Variants in STAG2 observed in about 807,000 individuals in gnomAD.
The protein encoded by STAG2 is STAG2 cohesin complex component.
Under a neutral mutation model 108.1 loss-of-function variants are expected in STAG2, and 14 were observed. The observed-to-expected ratio is 0.13, with a 90% confidence interval of 0.09 to 0.20. The LOEUF is 0.20. Among genes scored for constraint, STAG2 ranks in the 10% least tolerant of loss-of-function variants. The pLI, the probability that STAG2 is intolerant of heterozygous loss-of-function variation, is 1.00. For synonymous variants in STAG2, 307 were observed against 302.7 expected, an observed-to-expected ratio of 1.01 and a Z score of -0.15; for missense variants, 440 against 940.9, an observed-to-expected ratio of 0.47 and a Z score of 6.96.
chrX:124,090,651 A>G lies in STAG2; in HGVS notation c.3354A>G (p.Thr1118=), dbSNP rs747968327. Residue 1118 remains threonine (T), a synonymous_variant, in exon 31 of 35, where the codon ACA becomes ACG. Coordinates refer to ENST00000371145, the MANE Select transcript of STAG2 (RefSeq NM_001042750.2). ...QTLHTPVMMQ[T]PQLTSTIMRE... is the part of the protein sequence containing the mutation. Reference sequence around the variant, plus strand: ...TGCACACCCCTGTTATGATGCAGACACCACAACTCACCTCCACTATTATGA... The same window carrying G: ...TGCACACCCCTGTTATGATGCAGACGCCACAACTCACCTCCACTATTATGA... 5 of 1,211,139 alleles carry G rather than the reference A, an allele frequency of 4.1e-6. No homozygotes were observed. In the Admixed American group the frequency reaches 1.1e-4, roughly 26 times the overall value.
At chrX:124,053,089 T>TAC (rs2058090991) in intron 13 of STAG2, among the ~76,000 whole-genome samples, 2 of 111,909 alleles carry the variant, frequency 1.8e-5, no homozygotes, top group Non-Finnish European at 3.8e-5. Flanking sequence ...AGTGCTGGGA[T>TAC]TACAGGCATG....
intron 1 of STAG2, among the ~76,000 whole-genome samples, chrX:123,979,451 T>C (rs889184375): frequency 1.8e-5 from 2 of 111,700 alleles, no homozygotes; most frequent in Non-Finnish European, 1.9e-5. Flanking sequence ...AGCTAATGTT[T>C]ATGTGGCATC....
intron 4 of STAG2, among the ~76,000 whole-genome samples, chrX:124,029,242 C>G (rs1356390556): frequency 9.2e-6 from 1 of 108,450 alleles, no homozygotes; most frequent in Non-Finnish European, 1.9e-5. Context: ...TGGTCTCGAT[C>G]TCCTGACCTC....
At position 124,002,325 on chromosome X, in the gene STAG2, T is replaced by A. The variant is rs185472339; in HGVS notation, c.-162-19042T>A. Among the ~76,000 whole-genome samples, 5 of 112,231 alleles carry A rather than the reference T, an allele frequency of 4.5e-5. No individual in the cohort carries two copies. In the Admixed American group the frequency reaches 4.7e-4, roughly 11 times the overall value. On this transcript the variant is annotated intron_variant, in intron 1 of 34. Transcript: ENST00000371145. ...ATTTTTTGTAATTTAGAATTTCATATAAGTAAAATCTTACAATAGTAGATA... is the reference window on the plus strand; with the variant it reads ...ATTTTTTGTAATTTAGAATTTCATAAAAGTAAAATCTTACAATAGTAGATA...
At chrX:123,974,980 G>T (rs959592693) in intron 1 of STAG2, among the ~76,000 whole-genome samples, 3 of 111,712 alleles carry the variant, frequency 2.7e-5, no homozygotes, top group Non-Finnish European at 5.6e-5. Context: ...TGGGATATAT[G>T]ATAACCTCTT....
At chrX:124,033,500 T>A (rs1349663218) in intron 5 of STAG2, among the ~76,000 whole-genome samples, 1 of 112,117 alleles carries the variant, frequency 8.9e-6, no homozygotes, top group African/African-American at 3.2e-5. Flanking sequence ...GTGTAGCAGC[T>A]CACATAATCC....
rs1435652986 is a variant in STAG2, at chrX:124,100,746, G to A, written c.*149G>A. The A allele has an allele frequency of 5.3e-6, 2 of 374,988 alleles. No individual in the cohort carries two copies. Among genetic ancestry groups the A allele is most frequent in the African/African-American group, 5.3e-5 (2 of 37,912 alleles). The allele number at this position is 374,988 out of a possible 1,213,427, so 30.9% of individuals were successfully genotyped here. A position where few individuals can be genotyped will look rare whatever the true frequency, so the allele number is the denominator to read the frequency against. ...GCTTACCAAGATCAAGTGCATTGAG[G>A]GGCAGTTTTGTTTGCCTGAATAAAC... is the stretch of plus-strand genomic sequence containing the variant. On this transcript the variant is annotated 3_prime_UTR_variant, in exon 35 of 35. Coordinates refer to ENST00000371145, the MANE Select transcript of STAG2 (RefSeq NM_001042750.2).
At chrX:124,064,407 AAGTGTTTTGGC>A (rs1261113748) in intron 20 of STAG2, among the ~76,000 whole-genome samples, 1 of 110,563 alleles carries the variant, frequency 9.0e-6, no homozygotes, top group Non-Finnish European at 1.9e-5. Context: ...GAGTATTTCT[AAGTGTTTTGGC>A]AGTGTAGGTT....
chrX:124,083,595 C>T (rs750927529), intron 29 of STAG2, 46 bp downstream of exon 29: 1 of 1,040,592 alleles, frequency 9.6e-7, no homozygotes, highest in Non-Finnish European at 1.3e-6. Context: ...TTTTGGGATT[C>T]TTAAGGGCAA....
Position 124,051,407 on chromosome X carries a change from T to G in STAG2, c.1196+13T>G. ...CTCTTGTTTTACAGTAAGTATGTAT[T>G]TGTTGCATATTTGCACTAATGTTCA... On this transcript the variant is annotated intron_variant, in intron 13 of 34. Coordinates refer to ENST00000371145, the MANE Select transcript of STAG2 (RefSeq NM_001042750.2). 1.8e-6 allele frequency: 2 copies of G among 1,126,527 alleles called. No individual in the cohort carries two copies. The highest frequency in any genetic ancestry group is 2.4e-6 in the Non-Finnish European group (2 of 827,773). The allele number at this position is 1,126,527 out of a possible 1,213,427, so 92.8% of individuals were successfully genotyped here. A position where few individuals can be genotyped will look rare whatever the true frequency, so the allele number is the denominator to read the frequency against.
At chrX:124,032,639 A>C (rs2057383238) in intron 5 of STAG2, among the ~76,000 whole-genome samples, 1 of 111,044 alleles carries the variant, frequency 9.0e-6, no homozygotes, top group Non-Finnish European at 1.9e-5. Flanking sequence ...ATTTGTGTCC[A>C]CATGTGCTCA....
chrX:124,090,715 A>G lies in STAG2; in HGVS notation c.3418A>G (p.Ser1140Gly), dbSNP rs2059236693. Residue 1140 changes from serine to glycine, a missense_variant, in exon 31 of 35, where the codon AGT becomes GGT. Physicochemically the swap from Ser to Gly is moderately conservative, Grantham distance 56. Transcript: ENST00000371145. Reference sequence around the variant, plus strand: ...ATTACGGCCTGAGGATAGCTTCATGAGTGTTTATCCAATGCAGACTGAACA... The same window carrying G: ...ATTACGGCCTGAGGATAGCTTCATGGGTGTTTATCCAATGCAGACTGAACA... ...KRLRPEDSFM[S>G]VYPMQTEHHQ... 8.3e-7 allele frequency: 1 copy of G among 1,209,933 alleles called. No homozygotes were observed. Among genetic ancestry groups the G allele is most frequent in the African/African-American group, 1.7e-5 (1 of 57,162 alleles).
At chrX:124,001,489 CCACT>C (rs1190044983) in intron 1 of STAG2, among the ~76,000 whole-genome samples, 1 of 111,895 alleles carries the variant, frequency 8.9e-6, no homozygotes, top group Admixed American at 9.5e-5. Context: ...CGTTCACTCA[CCACT>C]CACTCACTGA....
In STAG2 at chrX:124,071,301, G is replaced by A; in HGVS notation, c.2511G>A (p.Gln837=). ...SFILDHVFIE[Q]DDDNNSADGQ... is the part of the protein sequence containing the mutation. ...TTTTGGATCATGTCTTCATTGAACA[G>A]GATGATGATAATAATAGTGCAGGTA... The change falls in exon 25 of 35, where the codon CAG becomes CAA. Residue 837 remains glutamine (Q), a synonymous_variant. Coordinates refer to ENST00000371145, the MANE Select transcript of STAG2 (RefSeq NM_001042750.2). 1 of 1,187,525 alleles carries A rather than the reference G, an allele frequency of 8.4e-7. No homozygotes were observed. Among genetic ancestry groups the A allele is most frequent in the East Asian group, 3.0e-5 (1 of 32,987 alleles).
intron 20 of STAG2, 115 bp downstream of exon 20, chrX:124,064,166 G>T (rs1159388671): frequency 5.6e-6 from 3 of 533,474 alleles, no homozygotes; most frequent in Non-Finnish European, 9.0e-6. Flanking sequence ...ATTTTGAAAA[G>T]ATGTTCAGGC....
intron 1 of STAG2, among the ~76,000 whole-genome samples, chrX:123,964,337 C>T (rs980593546): frequency 9.0e-6 from 1 of 111,324 alleles, no homozygotes; most frequent in Non-Finnish European, 1.9e-5. Flanking sequence ...ATGTTTATAA[C>T]TTAGCCTGAA....
rs1259704426 is a variant in STAG2 at position 124,090,801 on chromosome X, A to G, written c.3467+37A>G. On this transcript the variant is annotated intron_variant, in intron 31 of 34. Coordinates refer to ENST00000371145, the MANE Select transcript of STAG2 (RefSeq NM_001042750.2). ...TGATCATTTTCTGTACTATAACTTT[A>G]TTAATTACATAGAAAAAGTTAAGTT... The G allele has an allele frequency of 5.0e-6, 6 of 1,197,623 alleles. No individual in the cohort carries two copies. In the African/African-American group the frequency reaches 7.0e-5, roughly 14 times the overall value.
intron 4 of STAG2, among the ~76,000 whole-genome samples, chrX:124,028,976 T>C (rs2057220320): frequency 1.2e-5 from 1 of 85,101 alleles, no homozygotes; most frequent in Non-Finnish European, 2.2e-5. Flanking sequence ...TTTATTTATT[T>C]ATTTTTATTT....
chrX:124,045,020 C>T (rs2057835010), intron 7 of STAG2, 144 bp from the exon 8 acceptor site: 1 of 495,374 alleles, frequency 2.0e-6, no homozygotes, highest in East Asian at 3.6e-5. Context: ...ATATATTGTT[C>T]TCTTGCCTAC....
Sources: gnomAD v4.1 joint callset for allele counts (sites outside exome capture counted in the v4.1 genomes callset) on GRCh38, gnomAD v4.1.1 for gene constraint, MANE v1.5 for transcripts, NCBI Gene and HGNC (gene_info 2026-07-23, HGNC 2026-07-21) for gene names.